Variants in ZBTB8A observed in about 807,000 individuals in gnomAD.
ZBTB8A encodes the protein zinc finger and BTB domain-containing protein 8A.
A neutral mutation model predicts 37.8 loss-of-function variants in ZBTB8A; 19 were observed. The ratio of observed to expected loss-of-function variants is 0.50; its 90% confidence interval spans 0.35 to 0.74. ZBTB8A has a LOEUF of 0.74. Among genes scored for constraint, ZBTB8A ranks in the 30% least tolerant of loss-of-function variants. The pLI is 0.01. For missense variants in ZBTB8A, 394 were observed against 537.8 expected, an observed-to-expected ratio of 0.73 and a Z score of 2.65; for synonymous variants, 181 against 185.2, an observed-to-expected ratio of 0.98 and a Z score of 0.19.
intron 1 of ZBTB8A, among the ~76,000 whole-genome samples, chr1:32,552,803 A>G (rs1400224283): frequency 6.6e-6 from 1 of 150,874 alleles, no homozygotes; most frequent in South Asian, 2.1e-4. Flanking sequence ...AAATATGTAT[A>G]TAAAATGTAT....
At position 32,604,761 on chromosome 1, in the gene ZBTB8A, G is replaced by T. The variant is rs1354889662; in HGVS notation, c.*4342G>T. 1.3e-5 allele frequency: 2 copies of T among 152,094 alleles called. No individual in the cohort carries two copies. The highest frequency in any genetic ancestry group is 2.9e-5 in the Non-Finnish European group (2 of 68,018). 9.4% of individuals were successfully genotyped at this position (152,094 alleles called of 1,614,324 possible). A position where few individuals can be genotyped will look rare whatever the true frequency, so the allele number is the denominator to read the frequency against. On this transcript the variant is annotated 3_prime_UTR_variant, in exon 5 of 5. Transcript: ENST00000373510. ...AAGTTATTTTGCCAAGTCATGCCAA[G>T]ATATATTGAAATTTCCACTCATATT...
chr1:32,592,793 C>G (rs1210904586), intron 2 of ZBTB8A, 138 bp from the exon 3 acceptor site: 17 of 680,256 alleles, frequency 2.5e-5, no homozygotes, highest in Non-Finnish European at 3.6e-5. Context: ...CAGGAGTGAG[C>G]CACTGTGCCC....
At chr1:32,595,967 ACTT>A (rs932850434) in intron 4 of ZBTB8A, among the ~76,000 whole-genome samples, 44 of 151,954 alleles carry the variant, frequency 2.9e-4, no homozygotes, top group African/African-American at 1.0e-3. Context: ...CCATCATTTT[ACTT>A]CTTAAGAAAT....
chr1:32,598,259 G>A (rs1455426144), intron 4 of ZBTB8A, among the ~76,000 whole-genome samples: 2 of 101,312 alleles, frequency 2.0e-5, no homozygotes, highest in African/African-American at 7.9e-5. Context: ...TTGAGATGAA[G>A]TCTCACTGTG....
intron 2 of ZBTB8A, among the ~76,000 whole-genome samples, chr1:32,560,296 T>C (rs7527766): frequency 0.12 from 18,146 of 152,084 alleles, 1,157 homozygotes; most frequent in African/African-American, 0.19. Context: ...AGATTCAAAC[T>C]ATATCACTAC....
Position 32,593,687 on chromosome 1 carries a change from A to C in ZBTB8A, c.756A>C (p.Glu252Asp). Reference protein sequence around the residue: ...QSEEQAQIDAEMDSTPVGYQY... With the variant: ...QSEEQAQIDADMDSTPVGYQY... ...AAGAACAAGCACAGATTGATGCTGA[A>C]ATGGACTCTACTCCTGTTGGCTATC... The change falls in exon 3 of 5, where the codon GAA (glutamate) becomes GAC (aspartate). Residue 252 changes from glutamate to aspartate, a missense_variant. Physicochemically the swap from Glu to Asp is conservative, Grantham distance 45 (BLOSUM62 2). This residue lies in a region of ZBTB8A where 171 missense variants were observed against 186.8 expected (regional missense o/e 0.92). Coordinates refer to ENST00000373510, the MANE Select transcript of ZBTB8A (RefSeq NM_001040441.3). 1 of 1,614,164 alleles carries C rather than the reference A, an allele frequency of 6.2e-7. No individual in the cohort carries two copies. The highest frequency in any genetic ancestry group is 1.6e-4 in the Middle Eastern group (1 of 6,062).
intron 1 of ZBTB8A, among the ~76,000 whole-genome samples, chr1:32,551,188 A>G (rs1440922208): frequency 1.3e-5 from 2 of 152,014 alleles, no homozygotes; most frequent in Non-Finnish European, 2.9e-5. Context: ...GCTCATGCCT[A>G]TTATTCCAAC....
At chr1:32,567,791 CAAAAAAA>C (rs1214976482) in intron 2 of ZBTB8A, among the ~76,000 whole-genome samples, 2 of 6,442 alleles carry the variant, frequency 3.1e-4, no homozygotes, top group East Asian at 4.3e-3. Flanking sequence ...GATTCTGTCT[CAAAAAAA>C]AAAAAAAAAA....
intron 2 of ZBTB8A, among the ~76,000 whole-genome samples, chr1:32,587,349 A>G (rs1034979969): frequency 6.6e-6 from 1 of 152,130 alleles, no homozygotes; most frequent in Non-Finnish European, 1.5e-5. Flanking sequence ...AACCAACAAC[A>G]TGGAGTCAAA....
At chr1:32,543,141 T>C (rs1247901210) in intron 1 of ZBTB8A, among the ~76,000 whole-genome samples, 1 of 152,054 alleles carries the variant, frequency 6.6e-6, no homozygotes, top group Non-Finnish European at 1.5e-5. Context: ...TGGAGTGCAA[T>C]GGTGTGATCT....
chr1:32,545,829 G>A (rs1644099264), intron 1 of ZBTB8A, among the ~76,000 whole-genome samples: 2 of 152,154 alleles, frequency 1.3e-5, no homozygotes, highest in South Asian at 4.1e-4. Context: ...CCTAAACGTT[G>A]AGCCTTTTGG....
intron 2 of ZBTB8A, among the ~76,000 whole-genome samples, chr1:32,560,841 G>A (rs1003446797): frequency 8.6e-5 from 13 of 151,784 alleles, no homozygotes; most frequent in African/African-American, 3.1e-4. Context: ...GTCCAGGCTG[G>A]TCTCAAACTC....
At chr1:32,561,042 C>G (rs1235996300) in intron 2 of ZBTB8A, among the ~76,000 whole-genome samples, 1 of 152,042 alleles carries the variant, frequency 6.6e-6, no homozygotes, top group Non-Finnish European at 1.5e-5. Flanking sequence ...TAAATCGCCT[C>G]TCTCCTTTGC....
chr1:32,575,226 CTTTTTTTTTTTT>C (rs778765276), intron 2 of ZBTB8A, among the ~76,000 whole-genome samples: 5 of 101,020 alleles, frequency 4.9e-5, no homozygotes, highest in Non-Finnish European at 8.1e-5. Context: ...CTTTTCTTTC[CTTTTTTTTTTTT>C]TTTTTTTTGA....
intron 2 of ZBTB8A, among the ~76,000 whole-genome samples, chr1:32,587,276 T>C (rs1203624538): frequency 6.6e-6 from 1 of 151,924 alleles, no homozygotes; most frequent in Non-Finnish European, 1.5e-5. Flanking sequence ...GATGGTGACT[T>C]GGATCAAGGT....
At chr1:32,553,956 T>C (rs1252352491) in intron 2 of ZBTB8A, among the ~76,000 whole-genome samples, 1 of 151,580 alleles carries the variant, frequency 6.6e-6, no homozygotes, top group Non-Finnish European at 1.5e-5. Flanking sequence ...TCCCAGCACT[T>C]TGGGAGGCCA....
chr1:32,539,844 C>T (rs1259404679), intron 1 of ZBTB8A, among the ~76,000 whole-genome samples: 1 of 147,826 alleles, frequency 6.8e-6, no homozygotes, highest in Non-Finnish European at 1.5e-5. Context: ...GCGGAGCCTC[C>T]TGGAGGCGGC....
At chr1:32,572,262 A>G in intron 2 of ZBTB8A, among the ~76,000 whole-genome samples, 1 of 152,090 alleles carries the variant, frequency 6.6e-6, no homozygotes, top group Non-Finnish European at 1.5e-5. Flanking sequence ...ATAGAATTCA[A>G]CACTGAAGCC....
intron 1 of ZBTB8A, among the ~76,000 whole-genome samples, chr1:32,551,090 C>G (rs1644151874): frequency 6.6e-6 from 1 of 152,130 alleles, no homozygotes; most frequent in South Asian, 2.1e-4. Context: ...GAATGCCCTT[C>G]TAACTCATTA....
Sources: allele counts gnomAD v4.1 joint callset (sites outside exome capture counted in the v4.1 genomes callset), GRCh38; gene constraint gnomAD v4.1.1; regional missense constraint gnomAD v4.1.1; transcripts MANE v1.5; gene names NCBI Gene and HGNC (gene_info 2026-07-23, HGNC 2026-07-21).